TMEM132B: variants seen among roughly 807,000 people sequenced by gnomAD.
The protein encoded by TMEM132B is transmembrane protein 132B.
Under a neutral mutation model 90.8 loss-of-function variants are expected in TMEM132B, and 18 were observed. The observed-to-expected ratio is 0.20, with a 90% CI of 0.14 to 0.29. The LOEUF (loss-of-function observed/expected upper bound fraction) is 0.29. Among genes scored for constraint, TMEM132B ranks in the 10% least tolerant of loss-of-function variants. The pLI is 1.00. For missense variants in TMEM132B, 1,096 were observed against 1,326.8 expected, an observed-to-expected ratio of 0.83 and a Z score of 2.70; for synonymous variants, 504 against 523.3, an observed-to-expected ratio of 0.96 and a Z score of 0.50.
At chr12:125,438,121 C>T (rs998874294) in intron 3 of TMEM132B, among the ~76,000 whole-genome samples, 5 of 152,212 alleles carry the variant, frequency 3.3e-5, no homozygotes, top group African/African-American at 1.2e-4. Flanking sequence ...TAAACTCCTA[C>T]AAGAATCAAC....
chr12:125,583,753 G>T, intron 4 of TMEM132B, 98 bp from the exon 5 acceptor site: 1 of 1,406,356 alleles, frequency 7.1e-7, no homozygotes, highest in South Asian at 1.3e-5. Flanking sequence ...ATCGCAGAAC[G>T]AGAATGAAGG....
intron 3 of TMEM132B, among the ~76,000 whole-genome samples, chr12:125,487,477 A>T (rs1474837977): frequency 6.6e-6 from 1 of 152,224 alleles, no homozygotes; most frequent in African/African-American, 2.4e-5. Flanking sequence ...AGCTACAAAC[A>T]AGTCCAAGTA....
chr12:125,217,868 C>T (rs751020942), intron 1 of TMEM132B, among the ~76,000 whole-genome samples: 18 of 152,274 alleles, frequency 1.2e-4, no homozygotes, highest in Admixed American at 5.2e-4. Flanking sequence ...TAAATTTCCA[C>T]GTGTGCAAAA....
intron 3 of TMEM132B, among the ~76,000 whole-genome samples, chr12:125,510,760 A>T (rs768434107): frequency 6.6e-6 from 1 of 152,198 alleles, no homozygotes; most frequent in Non-Finnish European, 1.5e-5. Flanking sequence ...CATTATCATT[A>T]CCATGCATGT....
chr12:125,413,814 G>A (rs1879928520), intron 2 of TMEM132B, among the ~76,000 whole-genome samples: 1 of 152,194 alleles, frequency 6.6e-6, no homozygotes, highest in Admixed American at 6.5e-5. Context: ...GAGTGTACAA[G>A]TATTTGTTTG....
chr12:125,274,728 G>C (rs1336069657), intron 1 of TMEM132B, among the ~76,000 whole-genome samples: 1 of 152,170 alleles, frequency 6.6e-6, no homozygotes, highest in African/African-American at 2.4e-5. Context: ...GTCTATTTTA[G>C]TTGGTTGAGA....
rs139411745 is a variant in TMEM132B at position 125,513,796 on chromosome 12, T to C, written c.1107-5643T>C. Among the ~76,000 whole-genome samples, 116 of 152,332 alleles carry C rather than the reference T, an allele frequency of 7.6e-4. No individual in the cohort carries two copies. In the Middle Eastern group the frequency reaches 0.01, roughly 13 times the overall value. On this transcript the variant is annotated intron_variant, in intron 3 of 8. Transcript: ENST00000682704. ...GAAATTTAAGGTGACCATTTTTAAA[T>C]TGTATTTTTTTAATTTTTAAAAATT...
At chr12:125,640,999 A>G (rs1886617531) in intron 5 of TMEM132B, among the ~76,000 whole-genome samples, 1 of 152,026 alleles carries the variant, frequency 6.6e-6, no homozygotes, top group South Asian at 2.1e-4. Flanking sequence ...GAAATATTGA[A>G]GTTTGGAAGT....
At chr12:125,220,843 T>A (rs1397831775) in intron 1 of TMEM132B, among the ~76,000 whole-genome samples, 2 of 152,098 alleles carry the variant, frequency 1.3e-5, no homozygotes, top group Non-Finnish European at 2.9e-5. Context: ...TCGCTCAGAG[T>A]AAAAACCCAC....
intron 3 of TMEM132B, among the ~76,000 whole-genome samples, chr12:125,494,139 C>A (rs1161335574): frequency 8.6e-6 from 1 of 116,102 alleles, no homozygotes; most frequent in Non-Finnish European, 1.7e-5. Context: ...GAAATGGATG[C>A]ATCCCCTCCT....
chr12:125,317,687 G>A (rs1487517699), intron 1 of TMEM132B, among the ~76,000 whole-genome samples: 1 of 152,130 alleles, frequency 6.6e-6, no homozygotes, highest in Non-Finnish European at 1.5e-5. Flanking sequence ...CCAGGGCTGG[G>A]CTTTCACCTG....
intron 5 of TMEM132B, among the ~76,000 whole-genome samples, chr12:125,643,399 T>A (rs1405801597): frequency 6.6e-6 from 1 of 152,252 alleles, no homozygotes; most frequent in African/African-American, 2.4e-5. Context: ...TATTTGCTTA[T>A]CCTGAAAATG....
chr12:125,360,809 G>A (rs1222429230), intron 2 of TMEM132B, among the ~76,000 whole-genome samples: 2 of 151,986 alleles, frequency 1.3e-5, no homozygotes, highest in African/African-American at 4.8e-5. Flanking sequence ...TATGATCAAA[G>A]AATCTGGTAT....
At chr12:125,505,720 C>A (rs1018377917) in intron 3 of TMEM132B, among the ~76,000 whole-genome samples, 22 of 150,876 alleles carry the variant, frequency 1.5e-4, no homozygotes, top group African/African-American at 5.1e-4. Context: ...AAAAAAATTA[C>A]TGGGTGGCTT....
At chr12:125,418,178 A>G (rs768772843) in intron 3 of TMEM132B, among the ~76,000 whole-genome samples, 15 of 152,202 alleles carry the variant, frequency 9.9e-5, no homozygotes, top group Admixed American at 1.3e-4. Flanking sequence ...CCAAGTGGTA[A>G]TGTTTTAAAT....
chr12:125,415,000 C>T (rs1188287309), intron 2 of TMEM132B, among the ~76,000 whole-genome samples: 7 of 152,162 alleles, frequency 4.6e-5, no homozygotes, highest in South Asian at 2.1e-4. Context: ...CATCTGGCCC[C>T]GTTATCCTGC....
chr12:125,194,272 G>GT (rs1181211331), intron 1 of TMEM132B, among the ~76,000 whole-genome samples: 3 of 143,168 alleles, frequency 2.1e-5, no homozygotes, highest in Non-Finnish European at 4.7e-5. Context: ...ACCCGTTGGT[G>GT]GGGGGGTCTT....
At position 125,445,162 on chromosome 12, in the gene TMEM132B, A is replaced by G. The variant is rs1287693319; in HGVS notation, c.1106+29485A>G. 6.7e-6 allele frequency among the ~76,000 whole-genome samples: 1 copy of G among 149,998 alleles called. No individual in the cohort carries two copies. Among genetic ancestry groups the G allele is most frequent in the Non-Finnish European group, 1.5e-5 (1 of 67,436 alleles). ...CTACATTGATTTTCCTCTCCAATGG[A>G]AAAAAAAAACTTTTCAGATATTTAT... On this transcript the variant is annotated intron_variant, in intron 3 of 8. Transcript: ENST00000682704. This position sits in a 1 kb window ranked among gnomAD's most constrained non-coding sequence, Gnocchi z 4.3.
Position 125,213,744 on chromosome 12 carries a change from T to C in TMEM132B, c.67+26878T>C, listed in dbSNP as rs1181386616. Among the ~76,000 whole-genome samples, 1 of 152,252 alleles carries C rather than the reference T, an allele frequency of 6.6e-6. No individual in the cohort carries two copies. The highest frequency in any genetic ancestry group is 1.5e-5 in the Non-Finnish European group (1 of 68,050). Reference sequence around the variant, plus strand: ...CTTGCTCTAGATAGAGTGTGATCTCTGTAAGTATAGATCATGACTACCTTG... The same window carrying C: ...CTTGCTCTAGATAGAGTGTGATCTCCGTAAGTATAGATCATGACTACCTTG... On this transcript the variant is annotated intron_variant, in intron 1 of 8. Transcript: ENST00000682704. The surrounding 1 kb of genome is among the most constrained non-coding windows in gnomAD (Gnocchi z 4.2).
Sources: allele counts gnomAD v4.1 joint callset (sites outside exome capture counted in the v4.1 genomes callset), GRCh38; gene constraint gnomAD v4.1.1; non-coding constraint Gnocchi (gnomAD v3.1); transcripts MANE v1.5; gene names NCBI Gene and HGNC (gene_info 2026-07-23, HGNC 2026-07-21).